The following PLAUR variants were observed in gnomAD, a reference collection of about 807,000 sequenced individuals.
PLAUR encodes the protein plasminogen activator, urokinase receptor.
Under a neutral mutation model 33.4 loss-of-function variants are expected in PLAUR, and 22 were observed. The observed-to-expected ratio is 0.66, with a 90% CI of 0.47 to 0.94. PLAUR has a LOEUF of 0.94. Among genes scored for constraint, PLAUR ranks in the 40% least tolerant of loss-of-function variants. The pLI is 0.00. For missense variants in PLAUR, 408 were observed against 434.7 expected, an observed-to-expected ratio of 0.94 and a Z score of 0.55; for synonymous variants, 148 against 167.3, an observed-to-expected ratio of 0.88 and a Z score of 0.89.
At chr19:43,668,311 A>T (rs968168004) in intron 1 of PLAUR, 1 of 986,390 alleles carries the variant, frequency 1.0e-6, no homozygotes, top group Non-Finnish European at 1.2e-6. Context: ...TCCGCCCTCC[A>T]GCTCTCCAAC....
In PLAUR at chr19:43,648,677, G is replaced by A. The variant is rs1011497030; in HGVS notation, c.*213C>T. The A allele has an allele frequency of 2.9e-5, 22 of 770,546 alleles. No homozygotes were observed. The highest frequency in any genetic ancestry group is 4.0e-4 in the Middle Eastern group (1 of 2,508). The allele number at this position is 770,546 out of a possible 1,614,324, so 47.7% of individuals were successfully genotyped here. ...GCGGCAACAATATTAATAATAACAA[G>A]AGCTCTCCCATTGGCCCACGGCCTT... is the stretch of plus-strand genomic sequence containing the variant. On this transcript the variant is annotated 3_prime_UTR_variant, in exon 7 of 7. Transcript: ENST00000340093.
chr19:43,659,839 A>ACTCG lies in PLAUR; in HGVS notation c.311-3200_311-3199insCGAG, dbSNP rs528116930. On this transcript the variant is annotated intron_variant, in intron 3 of 6. Transcript: ENST00000340093. ...GCTCTGCTGTTTCTGACCTCTATCA[A>ACTCG]GCATAACTGCCGAGTTCTTCATTTG... Among the ~76,000 whole-genome samples the ACTCG allele has an allele frequency of 2.1e-3, 313 of 152,314 alleles. 1 individual carries two copies. Among genetic ancestry groups the ACTCG allele is most frequent in the South Asian group, 3.5e-3 (17 of 4,830 alleles).
intron 1 of PLAUR, among the ~76,000 whole-genome samples, chr19:43,669,809 CAAAAAAAA>C (rs59728904): frequency 1.4e-5 from 1 of 71,192 alleles, no homozygotes; most frequent in Non-Finnish European, 2.6e-5. Context: ...GAGACTCTGT[CAAAAAAAA>C]AAAAAAAAAA....
At chr19:43,650,205 T>C (rs1276438521) in intron 6 of PLAUR, among the ~76,000 whole-genome samples, 4 of 150,692 alleles carry the variant, frequency 2.7e-5, no homozygotes, top group Non-Finnish European at 5.9e-5. Flanking sequence ...GAGACGGGGT[T>C]TCACCATATT....
In PLAUR at chr19:43,656,638, G is replaced by A. The variant is rs142591405; in HGVS notation, c.313C>T (p.Arg105Trp). The A allele has an allele frequency of 2.0e-4, 323 of 1,593,198 alleles. No homozygotes were observed. Among genetic ancestry groups the A allele is most frequent in the Non-Finnish European group, 2.6e-4 (307 of 1,167,694 alleles). The change falls in exon 4 of 7, where the codon CGG (arginine) becomes TGG (tryptophan). Residue 105 changes from arginine to tryptophan, a missense_variant and splice_region_variant. Coordinates refer to ENST00000340093, the MANE Select transcript of PLAUR (RefSeq NM_002659.4). ...CGGCTTCGGGAATAGGTGACAGCCC[G>A]GCCTGTTTGGAAGAGGGGGAGGGGA... ...LDLCNQGNSGRAVTYSRSRYL... is the reference protein window; with the variant it reads ...LDLCNQGNSGWAVTYSRSRYL...
At chr19:43,652,863 C>T (rs1974054978) in intron 5 of PLAUR, among the ~76,000 whole-genome samples, 1 of 151,984 alleles carries the variant, frequency 6.6e-6, no homozygotes, top group Admixed American at 6.6e-5. Flanking sequence ...ATTACTCAGG[C>T]TGGTCTCAAA....
intron 1 of PLAUR, chr19:43,668,424 A>T (rs1967363056): frequency 1.2e-5 from 5 of 413,236 alleles, no homozygotes; most frequent in Non-Finnish European, 1.6e-5. Context: ...CCGATGCCAT[A>T]ACCCCGCCCC....
chr19:43,657,118 AT>A (rs1251999900), intron 3 of PLAUR, among the ~76,000 whole-genome samples: 4 of 151,538 alleles, frequency 2.6e-5, no homozygotes, highest in African/African-American at 9.7e-5. Context: ...TAATTTTTGT[AT>A]TTTTAGTAGA....
chr19:43,655,359 A>C, intron 5 of PLAUR, 80 bp downstream of exon 5: 1 of 1,399,600 alleles, frequency 7.1e-7, no homozygotes, highest in Non-Finnish European at 9.8e-7. Flanking sequence ...CTTGATTGCC[A>C]GAGAGTGACT....
intron 6 of PLAUR, 145 bp downstream of exon 6, chr19:43,652,080 A>G: frequency 1.4e-6 from 2 of 1,467,026 alleles, no homozygotes; most frequent in Non-Finnish European, 1.8e-6. Flanking sequence ...AATTCCTTAC[A>G]ATAATATTCA....
rs373521751 is a variant in PLAUR at position 43,664,419 on chromosome 19, G to A, written c.310+897C>T. ...ATTCCTTCCCCACCCTTCCTCTCCT[G>A]TGGGAATTTAGGAAAATTTGACCTT... On this transcript the variant is annotated intron_variant, in intron 3 of 6. Coordinates refer to ENST00000340093, the MANE Select transcript of PLAUR (RefSeq NM_002659.4). Among the ~76,000 whole-genome samples the A allele has an allele frequency of 2.6e-5, 4 of 152,232 alleles. No individual in the cohort carries two copies. The East Asian group carries it at 7.7e-4, about 29-fold the overall frequency.
intron 3 of PLAUR, among the ~76,000 whole-genome samples, chr19:43,659,389 A>C (rs1188320058): frequency 6.6e-6 from 1 of 151,746 alleles, no homozygotes; most frequent in African/African-American, 2.4e-5. Context: ...CTGGACTCAA[A>C]TGATCCTGCC....
At position 43,653,032 on chromosome 19, in the gene PLAUR, C is replaced by T. The variant is rs559464663; in HGVS notation, c.608-661G>A. Among the ~76,000 whole-genome samples the T allele has an allele frequency of 1.2e-4, 18 of 152,114 alleles. No individual in the cohort carries two copies. In the South Asian group the frequency reaches 3.7e-3, roughly 32 times the overall value. ...CTTGCTATGTTGCCTAGGCTTGTCT[C>T]AAACTCCTGGCCTCAGGCGACCCTC... On this transcript the variant is annotated intron_variant, in intron 5 of 6. Coordinates refer to ENST00000340093, the MANE Select transcript of PLAUR (RefSeq NM_002659.4).
At chr19:43,664,312 G>C (rs1600140270) in intron 3 of PLAUR, among the ~76,000 whole-genome samples, 1 of 152,294 alleles carries the variant, frequency 6.6e-6, no homozygotes, top group African/African-American at 2.4e-5. Flanking sequence ...ACCATGACTA[G>C]ACTGGCCTTA....
intron 1 of PLAUR, 129 bp downstream of exon 1, chr19:43,669,931 CACGAGA>C: frequency 1.2e-6 from 1 of 825,576 alleles, no homozygotes; most frequent in Non-Finnish European, 1.9e-6. Flanking sequence ...TTGCACAAAG[CACGAGA>C]ATTACTATTA....
downstream of PLAUR, among the ~76,000 whole-genome samples, chr19:43,646,947 A>G (rs754524149): frequency 8.6e-5 from 13 of 151,764 alleles, no homozygotes; most frequent in Non-Finnish European, 1.5e-4. Context: ...TACCCGGTTA[A>G]TTTTTGTAAT....
intron 4 of PLAUR, 91 bp from the exon 5 acceptor site, chr19:43,655,664 C>G: frequency 8.7e-7 from 1 of 1,155,454 alleles, no homozygotes; most frequent in South Asian, 1.5e-5. Context: ...TTCAACCATT[C>G]TCTACTTCAC....
rs202097085 is a variant in PLAUR, at chr19:43,649,012, G to A, written c.886C>T (p.Pro296Ser). 1.2e-6 allele frequency: 2 copies of A among 1,614,216 alleles called. No homozygotes were observed. Among genetic ancestry groups the A allele is most frequent in the Non-Finnish European group, 1.7e-6 (2 of 1,180,030 alleles). ...CTGCGGTACTGGACATCCAGGTCTG[G>A]GTGGTTACAGCCACTTTTAGTACAG... ...SCCTKSGCNH[P>S]DLDVQYRSGA... The change falls in exon 7 of 7, where the codon CCA (proline) becomes TCA (serine). Residue 296 changes from proline to serine, a missense_variant. Transcript: ENST00000340093.
At chr19:43,658,855 A>C (rs1182387162) in intron 3 of PLAUR, among the ~76,000 whole-genome samples, 1 of 152,166 alleles carries the variant, frequency 6.6e-6, no homozygotes, top group South Asian at 2.1e-4. Context: ...TTCTCACACA[A>C]ACTTCCATGA....
Sources: gnomAD v4.1 joint callset for allele counts (sites outside exome capture counted in the v4.1 genomes callset) on GRCh38, gnomAD v4.1.1 for gene constraint, MANE v1.5 for transcripts, NCBI Gene and HGNC (gene_info 2026-07-23, HGNC 2026-07-21) for gene names.